The following NLGN4Y variants were observed in gnomAD, a reference collection of about 807,000 sequenced individuals.
NLGN4Y encodes the protein neuroligin 4 Y-linked.
Under a neutral mutation model 8.4 loss-of-function variants are expected in NLGN4Y, and 4 were observed. That is an observed-to-expected ratio of 0.48 (90% CI 0.23 to 1.09). The LOEUF is 1.09. Ranked by LOEUF, NLGN4Y falls within the 50% of genes least tolerant of loss-of-function variation. The pLI is 0.19. For missense variants in NLGN4Y, 90 were observed against 192.3 expected (o/e 0.47, Z 3.15); for synonymous variants, 35 against 75.6 (o/e 0.46, Z 2.78).
intron 1 of NLGN4Y, among the ~76,000 whole-genome samples, chrY:14,556,506 C>T (rs2080211293): frequency 3.0e-5 from 1 of 32,952 alleles, no homozygotes; most frequent in Non-Finnish European, 7.5e-5. Context: ...AGTTCTACCA[C>T]TCAGAAGTCC....
At chrY:14,817,887 C>G (rs374954906) in intron 4 of NLGN4Y, among the ~76,000 whole-genome samples, 301 of 31,950 alleles carry the variant, frequency 9.4e-3, no homozygotes, top group South Asian at 0.037. Flanking sequence ...CTTGGGTGCA[C>G]CTGGATATAG....
At chrY:14,617,008 T>A in intron 1 of NLGN4Y, among the ~76,000 whole-genome samples, 1 of 32,988 alleles carries the variant, frequency 3.0e-5, no homozygotes, top group Non-Finnish European at 7.4e-5. Context: ...GTTAACCTCC[T>A]GTTTCATTGA....
At chrY:14,631,086 G>T in intron 2 of NLGN4Y, among the ~76,000 whole-genome samples, 1 of 32,414 alleles carries the variant, frequency 3.1e-5, no homozygotes, top group South Asian at 6.9e-4. Flanking sequence ...TTTTTTTCAA[G>T]AAGGAGTTTT....
At chrY:14,647,543 C>T (rs1603502013) in intron 2 of NLGN4Y, among the ~76,000 whole-genome samples, 2 of 33,473 alleles carry the variant, frequency 6.0e-5, no homozygotes, top group Non-Finnish European at 7.4e-5. Flanking sequence ...TGTAGAACAA[C>T]GTCTGTTTAC....
chrY:14,742,970 C>A (rs2081011629), intron 4 of NLGN4Y, among the ~76,000 whole-genome samples: 1 of 31,969 alleles, frequency 3.1e-5, no homozygotes, highest in Non-Finnish European at 7.6e-5. Flanking sequence ...CTCCCTCAAC[C>A]CCACCCCAAA....
intron 1 of NLGN4Y, among the ~76,000 whole-genome samples, chrY:14,545,225 A>G: frequency 3.0e-5 from 1 of 32,819 alleles, no homozygotes; most frequent in South Asian, 6.9e-4. Flanking sequence ...ATTGTGAATA[A>G]TGCCACAATA....
chrY:14,707,269 C>A (rs2080885171), intron 2 of NLGN4Y, among the ~76,000 whole-genome samples: 1 of 27,095 alleles, frequency 3.7e-5, no homozygotes, highest in Non-Finnish European at 8.5e-5. Flanking sequence ...TGCCTCTCTG[C>A]AATATCCGCC....
intron 2 of NLGN4Y, among the ~76,000 whole-genome samples, chrY:14,708,772 A>C: frequency 3.0e-5 from 1 of 33,720 alleles, no homozygotes; most frequent in African/African-American, 1.2e-4. Flanking sequence ...CTTTTGCTAC[A>C]TAAGGAACCA....
chrY:14,527,216 C>T, intron 1 of NLGN4Y, among the ~76,000 whole-genome samples: 1 of 33,931 alleles, frequency 2.9e-5, no homozygotes, highest in Non-Finnish European at 7.3e-5. Context: ...TCAAACCTTT[C>T]CTAAAACTTT....
chrY:14,574,137 G>A (rs2080287093), intron 1 of NLGN4Y, among the ~76,000 whole-genome samples: 1 of 33,067 alleles, frequency 3.0e-5, no homozygotes, highest in Non-Finnish European at 7.4e-5. Flanking sequence ...GGTGTGTTCA[G>A]TTCCTGGATA....
chrY:14,812,079 GA>G (rs2043082657), intron 4 of NLGN4Y, among the ~76,000 whole-genome samples: 1 of 33,447 alleles, frequency 3.0e-5, no homozygotes, highest in Non-Finnish European at 7.4e-5. Flanking sequence ...GAAAGTAAAA[GA>G]GGAGCAAAGT....
At chrY:14,662,748 TA>T (rs2080679667) in intron 2 of NLGN4Y, among the ~76,000 whole-genome samples, 1 of 33,450 alleles carries the variant, frequency 3.0e-5, no homozygotes, top group African/African-American at 1.2e-4. Flanking sequence ...TATGAGTACA[TA>T]GTAGGTGTAT....
intron 2 of NLGN4Y, among the ~76,000 whole-genome samples, chrY:14,637,858 T>G (rs868152330): frequency 9.9e-4 from 29 of 29,378 alleles, no homozygotes; most frequent in Admixed American, 2.6e-3. Flanking sequence ...TTTTTTTTTT[T>G]TTTGTGTGTG....
chrY:14,598,794 G>A, intron 1 of NLGN4Y, among the ~76,000 whole-genome samples: 2 of 29,019 alleles, frequency 6.9e-5, no homozygotes, highest in Admixed American at 3.3e-4. Context: ...CTGCTACTCC[G>A]CTGCTCTACC....
At chrY:14,706,353 A>G in intron 2 of NLGN4Y, among the ~76,000 whole-genome samples, 1 of 33,494 alleles carries the variant, frequency 3.0e-5, no homozygotes, top group African/African-American at 1.2e-4. Context: ...ACATGTTACC[A>G]GGGAATCAGA....
At chrY:14,776,780 T>A (rs1603503880) in intron 4 of NLGN4Y, among the ~76,000 whole-genome samples, 1 of 32,981 alleles carries the variant, frequency 3.0e-5, no homozygotes, top group African/African-American at 1.2e-4. Flanking sequence ...TGAAATATTT[T>A]AAAATTTTTA....
At chrY:14,762,597 G>A (rs753678741) in intron 4 of NLGN4Y, among the ~76,000 whole-genome samples, 5 of 34,275 alleles carry the variant, frequency 1.5e-4, no homozygotes, top group Admixed American at 1.3e-3. Context: ...GGCATGAAGA[G>A]CTTCTACTAT....
At chrY:14,594,415 T>C in intron 1 of NLGN4Y, among the ~76,000 whole-genome samples, 1 of 33,482 alleles carries the variant, frequency 3.0e-5, no homozygotes, top group Non-Finnish European at 7.4e-5. Context: ...ACCAGGTGAT[T>C]GGCCTGCTCC....
chrY:14,560,150 G>T, intron 1 of NLGN4Y, among the ~76,000 whole-genome samples: 1 of 32,897 alleles, frequency 3.0e-5, no homozygotes, highest in Non-Finnish European at 7.5e-5. Flanking sequence ...CCTTTCAGAG[G>T]CTTCGTTTTC....
Sources: gnomAD v4.1 joint callset for allele counts (sites outside exome capture counted in the v4.1 genomes callset) on GRCh38, gnomAD v4.1.1 for gene constraint, MANE v1.5 for transcripts, NCBI Gene and HGNC (gene_info 2026-07-23, HGNC 2026-07-21) for gene names.